The following NT5DC1 variants were observed in gnomAD, a reference collection of about 807,000 sequenced individuals.
NT5DC1 encodes the protein 5'-nucleotidase domain-containing protein 1.
NT5DC1 carries 42 observed loss-of-function variants against 59.4 expected under a neutral mutation model. That is an observed-to-expected ratio of 0.71 (90% confidence interval 0.55 to 0.92). NT5DC1 has a LOEUF of 0.92. Ranked by LOEUF, NT5DC1 falls within the 40% of genes least tolerant of loss-of-function variation. The probability of loss-of-function intolerance (pLI) is 0.00; values close to 1 mark genes in which losing one functional copy is unlikely to be tolerated. For synonymous variants in NT5DC1, 172 were observed against 188.1 expected (o/e 0.91, Z 0.70); for missense variants, 501 against 537.1 (o/e 0.93, Z 0.66).
chr6:116,126,388 T>TA (rs1264107479), intron 6 of NT5DC1, among the ~76,000 whole-genome samples: 1 of 152,208 alleles, frequency 6.6e-6, no homozygotes, highest in Non-Finnish European at 1.5e-5. Flanking sequence ...TATTAATTAA[T>TA]ACTCTAGTGT....
intron 11 of NT5DC1, among the ~76,000 whole-genome samples, chr6:116,241,139 C>T (rs1771706704): frequency 8.2e-6 from 1 of 122,182 alleles, no homozygotes; most frequent in Admixed American, 8.5e-5. Flanking sequence ...GCAAGACTGT[C>T]TCAAAAAAAA....
At chr6:116,201,102 G>A (rs1367749039) in intron 6 of NT5DC1, among the ~76,000 whole-genome samples, 1 of 151,982 alleles carries the variant, frequency 6.6e-6, no homozygotes, top group African/African-American at 2.4e-5. Context: ...TGCCCAAGAG[G>A]TACTGCACCT....
At chr6:116,185,703 T>C (rs542582606) in intron 6 of NT5DC1, among the ~76,000 whole-genome samples, 1 of 152,254 alleles carries the variant, frequency 6.6e-6, no homozygotes, top group African/African-American at 2.4e-5. Context: ...GCTTTTGGTA[T>C]ACATTTGCAT....
At position 116,249,139 on chromosome 6, in the gene NT5DC1, T is replaced by C. The variant is rs543600244; in HGVS notation, c.*5115T>C. The C allele has an allele frequency of 1.3e-5, 2 of 151,108 alleles. No individual in the cohort carries two copies. The highest frequency in any genetic ancestry group is 2.4e-5 in the African/African-American group (1 of 41,376). 9.4% of individuals were successfully genotyped at this position (151,108 alleles called of 1,614,324 possible). A position where few individuals can be genotyped will look rare whatever the true frequency, so the allele number is the denominator to read the frequency against. On this transcript the variant is annotated 3_prime_UTR_variant, in exon 12 of 12. Coordinates refer to ENST00000319550, the MANE Select transcript of NT5DC1 (RefSeq NM_152729.3). ...GAACATTGTTAGAGGAATTTAGGAT[T>C]AAGATGGATGTAGAGCTTGCAAAAG...
chr6:116,202,746 A>G (rs766296674), intron 6 of NT5DC1, among the ~76,000 whole-genome samples: 2 of 152,050 alleles, frequency 1.3e-5, no homozygotes, highest in South Asian at 2.1e-4. Flanking sequence ...GCAGATAAAC[A>G]TTAAAATATT....
intron 4 of NT5DC1, among the ~76,000 whole-genome samples, chr6:116,111,999 T>C (rs1340641032): frequency 6.6e-6 from 1 of 152,364 alleles, no homozygotes; most frequent in African/African-American, 2.4e-5. Flanking sequence ...GCTGAGTGTT[T>C]CACTCTGAAA....
In NT5DC1 at chr6:116,247,380, CAT is replaced by C. The variant is rs1308875427; in HGVS notation, c.*3357_*3358del. On this transcript the variant is annotated 3_prime_UTR_variant, in exon 12 of 12. Transcript: ENST00000319550. ...GAGTCTGTTCCTCTTGGAAGCCACACATGTCAAGGTCATCAGTAAGCAGGCCT... is the reference window on the plus strand; with the variant it reads ...GAGTCTGTTCCTCTTGGAAGCCACACGTCAAGGTCATCAGTAAGCAGGCCT... 3 of 152,172 alleles carry C rather than the reference CAT, an allele frequency of 2.0e-5. No homozygotes were observed. The highest frequency in any genetic ancestry group is 4.4e-5 in the Non-Finnish European group (3 of 68,004). 9.4% of individuals were successfully genotyped at this position (152,172 alleles called of 1,614,324 possible).
intron 6 of NT5DC1, among the ~76,000 whole-genome samples, chr6:116,186,037 T>C (rs62414142): frequency 0.015 from 2,308 of 152,220 alleles, 14 homozygotes; most frequent in Non-Finnish European, 0.025. Flanking sequence ...TAGAGCTTCT[T>C]ATAGTGGTTC....
chr6:116,160,424 G>A (rs1318830663), intron 6 of NT5DC1, among the ~76,000 whole-genome samples: 2 of 151,868 alleles, frequency 1.3e-5, no homozygotes, highest in Admixed American at 6.6e-5. Flanking sequence ...ATTTTGAGAA[G>A]TGTCTGTTCA....
intron 4 of NT5DC1, among the ~76,000 whole-genome samples, chr6:116,111,366 A>G (rs995705667): frequency 1.3e-5 from 2 of 152,174 alleles, no homozygotes; most frequent in Admixed American, 6.5e-5. Flanking sequence ...CTGCCAGTTT[A>G]GTATCATCTG....
intron 11 of NT5DC1, 102 bp downstream of exon 11, chr6:116,239,225 AT>A: frequency 2.2e-6 from 2 of 904,274 alleles, no homozygotes; most frequent in Non-Finnish European, 3.4e-6. Context: ...CACAACATTG[AT>A]TTATCTTTGG....
chr6:116,134,108 G>A (rs1779532572), intron 6 of NT5DC1, among the ~76,000 whole-genome samples: 1 of 152,176 alleles, frequency 6.6e-6, no homozygotes, highest in East Asian at 1.9e-4. Flanking sequence ...TGACACATAA[G>A]TGGCAAAACA....
At chr6:116,143,444 C>G (rs1779816392) in intron 6 of NT5DC1, among the ~76,000 whole-genome samples, 1 of 152,126 alleles carries the variant, frequency 6.6e-6, no homozygotes, top group South Asian at 2.1e-4. Flanking sequence ...GATCTCTTAA[C>G]CTTGTGATCT....
At chr6:116,180,724 C>G (rs575096162) in intron 6 of NT5DC1, among the ~76,000 whole-genome samples, 1 of 151,994 alleles carries the variant, frequency 6.6e-6, no homozygotes, top group Admixed American at 6.6e-5. Context: ...AGGCAATAAG[C>G]AGAATCCAGA....
chr6:116,146,983 T>C (rs1406884242), intron 6 of NT5DC1, among the ~76,000 whole-genome samples: 1 of 124,038 alleles, frequency 8.1e-6, no homozygotes, highest in Non-Finnish European at 1.6e-5. Context: ...ATTTTATATA[T>C]GTATAAAATA....
chr6:116,174,258 T>C (rs1429194181), intron 6 of NT5DC1, among the ~76,000 whole-genome samples: 2 of 152,124 alleles, frequency 1.3e-5, no homozygotes, highest in Non-Finnish European at 2.9e-5. Context: ...AGTCACTAAG[T>C]CCAGCCCACT....
intron 6 of NT5DC1, among the ~76,000 whole-genome samples, chr6:116,174,786 C>T (rs952773120): frequency 1.3e-5 from 2 of 152,178 alleles, no homozygotes; most frequent in African/African-American, 4.8e-5. Flanking sequence ...AATTCTACCA[C>T]TTGCTTTGCA....
intron 6 of NT5DC1, among the ~76,000 whole-genome samples, chr6:116,152,088 G>A (rs1424798048): frequency 6.6e-6 from 1 of 152,188 alleles, no homozygotes; most frequent in African/African-American, 2.4e-5. Flanking sequence ...TGGAAATTTT[G>A]GAGGAGGTGG....
At chr6:116,178,106 C>CGTGTGTGT (rs141400633) in intron 6 of NT5DC1, among the ~76,000 whole-genome samples, 29 of 130,828 alleles carry the variant, frequency 2.2e-4, no homozygotes, top group African/African-American at 8.5e-4. Context: ...CGCGCGCGTG[C>CGTGTGTGT]GTGCGTGTGT....
Sources: gnomAD v4.1 joint callset for allele counts (sites outside exome capture counted in the v4.1 genomes callset) on GRCh38, gnomAD v4.1.1 for gene constraint, MANE v1.5 for transcripts, NCBI Gene and HGNC (gene_info 2026-07-23, HGNC 2026-07-21) for gene names.